CPNE4: variants seen among roughly 807,000 people sequenced by gnomAD.
The protein encoded by CPNE4 is copine-4.
Under a neutral mutation model 67.9 loss-of-function variants are expected in CPNE4, and 25 were observed. The ratio of observed to expected loss-of-function variants is 0.37; its 90% CI spans 0.27 to 0.51. CPNE4 has a LOEUF of 0.51. Ranked by LOEUF, CPNE4 falls within the 20% of genes least tolerant of loss-of-function variation. CPNE4 has a pLI of 0.93. For synonymous variants in CPNE4, 242 were observed against 244.9 expected (o/e 0.99, Z 0.11); for missense variants, 464 against 690.8 (o/e 0.67, Z 3.68).
intron 2 of CPNE4, among the ~76,000 whole-genome samples, chr3:131,824,044 T>G (rs2085060398): frequency 6.6e-6 from 1 of 152,164 alleles, no homozygotes; most frequent in African/African-American, 2.4e-5. Flanking sequence ...TTTAACATAC[T>G]AAACACTCAG....
chr3:131,566,130 G>A (rs75463970), intron 10 of CPNE4, among the ~76,000 whole-genome samples: 2 of 151,802 alleles, frequency 1.3e-5, no homozygotes, highest in South Asian at 4.1e-4. Flanking sequence ...CAAAACACCA[G>A]GACTTCTCAT....
intron 1 of CPNE4, among the ~76,000 whole-genome samples, chr3:131,920,484 A>G (rs2070710357): frequency 6.6e-6 from 1 of 152,174 alleles, no homozygotes; most frequent in South Asian, 2.1e-4. Context: ...CTAAGGATCA[A>G]GGACTGTTTG....
intron 15 of CPNE4, among the ~76,000 whole-genome samples, chr3:131,541,094 G>A (rs1447163139): frequency 6.6e-6 from 1 of 152,086 alleles, no homozygotes; most frequent in African/African-American, 2.4e-5. Flanking sequence ...GTAGGGGCTG[G>A]GCATATGCTC....
intron 1 of CPNE4, among the ~76,000 whole-genome samples, chr3:132,014,501 A>G (rs1208063415): frequency 1.3e-5 from 2 of 152,232 alleles, no homozygotes; most frequent in Admixed American, 1.3e-4. Context: ...GACTTTGTTC[A>G]TTAGACCACT....
chr3:131,743,545 G>C (rs1048575129), intron 2 of CPNE4, among the ~76,000 whole-genome samples: 1 of 152,062 alleles, frequency 6.6e-6, no homozygotes, highest in Admixed American at 6.6e-5. Context: ...GCATCCAGTG[G>C]TGCACACAAA....
In CPNE4 at chr3:131,587,610, A is replaced by G. The variant is rs753278876; in HGVS notation, c.682-28T>C. On this transcript the variant is annotated intron_variant, in intron 7 of 15. Transcript: ENST00000429747. ...GTAAGAGAAAACAATGATCTTTCTTAAAAAATTAAGAATGTAGCCACAGCA... is the reference window on the plus strand; with the variant it reads ...GTAAGAGAAAACAATGATCTTTCTTGAAAAATTAAGAATGTAGCCACAGCA... 13 of 1,537,630 alleles carry G rather than the reference A, an allele frequency of 8.5e-6. No homozygotes were observed. In the South Asian group the frequency reaches 1.4e-4, roughly 16 times the overall value.
At chr3:131,717,240 T>G (rs2081720938) in intron 3 of CPNE4, among the ~76,000 whole-genome samples, 1 of 103,374 alleles carries the variant, frequency 9.7e-6, no homozygotes, top group Non-Finnish European at 1.9e-5. Context: ...TCAACAAAGG[T>G]TTTTTTTTTT....
chr3:131,703,990 T>G (rs575392319), intron 3 of CPNE4, among the ~76,000 whole-genome samples: 1 of 152,330 alleles, frequency 6.6e-6, no homozygotes, highest in South Asian at 2.1e-4. Flanking sequence ...AAGTTTAACA[T>G]TTCAACTACA....
At chr3:131,620,854 T>G (rs1212063606) in intron 7 of CPNE4, among the ~76,000 whole-genome samples, 1 of 152,216 alleles carries the variant, frequency 6.6e-6, no homozygotes, top group Non-Finnish European at 1.5e-5. Flanking sequence ...TGCTGACATC[T>G]GTTTTAGCCT....
intron 11 of CPNE4, among the ~76,000 whole-genome samples, chr3:131,556,857 T>C (rs1410571385): frequency 6.6e-6 from 1 of 152,112 alleles, no homozygotes; most frequent in African/African-American, 2.4e-5. Context: ...ATAATTAACA[T>C]TTATTGATGC....
intron 15 of CPNE4, among the ~76,000 whole-genome samples, chr3:131,537,979 A>C (rs1332732349): frequency 6.6e-6 from 1 of 152,198 alleles, no homozygotes; most frequent in Non-Finnish European, 1.5e-5. Context: ...GAAGTTTAGC[A>C]GCATCCTTGG....
rs184289194 is a variant in CPNE4 at position 131,569,438 on chromosome 3, C to A, written c.928-5089G>T. ...TAACTTGAGGCCAGGAGTTTGAGAC[C>A]AGCTTGGGCAACACAGCTGGACCCT... On this transcript the variant is annotated intron_variant, in intron 10 of 15. Coordinates refer to ENST00000429747, the MANE Select transcript of CPNE4 (RefSeq NM_130808.3). 6.0e-3 allele frequency among the ~76,000 whole-genome samples: 913 copies of A among 151,872 alleles called. 4 individuals are homozygous for A. The highest frequency in any genetic ancestry group is 0.02 in the Middle Eastern group (6 of 294).
chr3:131,555,461 G>A, intron 12 of CPNE4, 36 bp downstream of exon 12: 4 of 1,592,162 alleles, frequency 2.5e-6, no homozygotes, highest in Non-Finnish European at 2.6e-6. Context: ...TTTGACCACA[G>A]TGAAGTGGAA....
intron 1 of CPNE4, among the ~76,000 whole-genome samples, chr3:131,994,324 C>T (rs2073238318): frequency 7.4e-6 from 1 of 135,086 alleles, no homozygotes. Context: ...AAAATATAAA[C>T]TTACGTAAGA....
At chr3:131,966,527 T>C (rs1374702959) in intron 1 of CPNE4, among the ~76,000 whole-genome samples, 2 of 151,890 alleles carry the variant, frequency 1.3e-5, no homozygotes, top group African/African-American at 4.8e-5. Context: ...CAATAAAAAA[T>C]GATAAAGGGG....
intron 1 of CPNE4, among the ~76,000 whole-genome samples, chr3:132,022,280 T>C (rs954480405): frequency 3.3e-5 from 5 of 152,236 alleles, no homozygotes; most frequent in Non-Finnish European, 7.3e-5. Context: ...GCCCTAGCAA[T>C]CTGTGAAACC....
chr3:131,722,387 T>C (rs2081909089), intron 3 of CPNE4, among the ~76,000 whole-genome samples: 1 of 152,190 alleles, frequency 6.6e-6, no homozygotes, highest in African/African-American at 2.4e-5. Context: ...TTCATCAATT[T>C]CACAGTAAAT....
intron 3 of CPNE4, among the ~76,000 whole-genome samples, chr3:131,708,168 G>C (rs2081460564): frequency 1.3e-5 from 2 of 152,118 alleles, no homozygotes. Context: ...GGGCCTTCAT[G>C]ACTGATTGAT....
At chr3:131,600,149 T>A (rs1418433777) in intron 7 of CPNE4, among the ~76,000 whole-genome samples, 1 of 152,152 alleles carries the variant, frequency 6.6e-6, no homozygotes, top group African/African-American at 2.4e-5. Context: ...AAGGTATCCA[T>A]GCACCAAGGC....
Sources: gnomAD v4.1 joint callset for allele counts (sites outside exome capture counted in the v4.1 genomes callset) on GRCh38, gnomAD v4.1.1 for gene constraint, MANE v1.5 for transcripts, NCBI Gene and HGNC (gene_info 2026-07-23, HGNC 2026-07-21) for gene names.